COMMD1: variants seen among roughly 807,000 people sequenced by gnomAD.
COMMD1 encodes the protein copper metabolism domain containing 1.
COMMD1 carries 10 observed loss-of-function variants against 17.2 expected under a neutral mutation model. The ratio of observed to expected loss-of-function variants is 0.58; its 90% CI spans 0.36 to 0.99. The LOEUF (loss-of-function observed/expected upper bound fraction) is 0.99, where lower values mean the gene tolerates loss of function less well. Among genes scored for constraint, COMMD1 ranks in the 50% least tolerant of loss-of-function variants. The pLI, the probability that COMMD1 is intolerant of heterozygous loss-of-function variation, is 0.01. For synonymous variants in COMMD1, 97 were observed against 91.6 expected, an observed-to-expected ratio of 1.06 and a Z score of -0.34; for missense variants, 270 against 231.8, an observed-to-expected ratio of 1.17 and a Z score of -1.07.
chr2:61,924,506 G>A (rs1029317398), intron 1 of COMMD1, among the ~76,000 whole-genome samples: 3 of 152,090 alleles, frequency 2.0e-5, no homozygotes, highest in Non-Finnish European at 4.4e-5. Flanking sequence ...ATCAAAGGAG[G>A]AGAAGTCGTC....
At chr2:61,998,405 G>A (rs1668830101) in intron 1 of COMMD1, among the ~76,000 whole-genome samples, 1 of 151,992 alleles carries the variant, frequency 6.6e-6, no homozygotes, top group African/African-American at 2.4e-5. Flanking sequence ...GATTACAGGC[G>A]TGCGCCACTA....
At chr2:62,035,841 C>T (rs1670023274) in intron 2 of COMMD1, among the ~76,000 whole-genome samples, 1 of 151,248 alleles carries the variant, frequency 6.6e-6, no homozygotes, top group Non-Finnish European at 1.5e-5. Flanking sequence ...ACCTGAGCCT[C>T]AGGGGTTCAA....
intron 2 of COMMD1, among the ~76,000 whole-genome samples, chr2:62,052,824 C>T (rs1670575276): frequency 6.6e-6 from 1 of 152,164 alleles, no homozygotes; most frequent in Non-Finnish European, 1.5e-5. Context: ...CCTATAATCC[C>T]ATCACTTTGG....
intron 1 of COMMD1, among the ~76,000 whole-genome samples, chr2:61,925,221 C>T (rs111807859): frequency 7.9e-5 from 12 of 151,874 alleles, no homozygotes; most frequent in East Asian, 2.0e-4. Flanking sequence ...GAGTGAGTCC[C>T]GGCCAGAGTC....
At chr2:62,036,197 CCTT>C (rs1670035427) in intron 2 of COMMD1, among the ~76,000 whole-genome samples, 1 of 151,314 alleles carries the variant, frequency 6.6e-6, no homozygotes, top group African/African-American at 2.5e-5. Context: ...CAAAGATAAA[CCTT>C]CTATTTGCTA....
chr2:61,918,358 C>G (rs1368263173), intron 1 of COMMD1, among the ~76,000 whole-genome samples: 1 of 152,170 alleles, frequency 6.6e-6, no homozygotes, highest in Admixed American at 6.5e-5. Flanking sequence ...ATTATTCATT[C>G]TCTGAAGAAT....
At chr2:61,974,470 A>C (rs1042018311) in intron 1 of COMMD1, among the ~76,000 whole-genome samples, 3 of 151,796 alleles carry the variant, frequency 2.0e-5, no homozygotes, top group South Asian at 2.1e-4. Context: ...TCAGGAGTTC[A>C]AGACCAGCCT....
At chr2:62,036,075 CACACACACACACACAA>C (rs1212160948) in intron 2 of COMMD1, among the ~76,000 whole-genome samples, 1 of 151,900 alleles carries the variant, frequency 6.6e-6, no homozygotes, top group Non-Finnish European at 1.5e-5. Context: ...CACACACACA[CACACACACACACACAA>C]AGTTAGGATG....
intron 1 of COMMD1, among the ~76,000 whole-genome samples, chr2:61,972,781 CAT>C (rs1379555638): frequency 6.6e-6 from 1 of 152,142 alleles, no homozygotes; most frequent in Non-Finnish European, 1.5e-5. Flanking sequence ...CATAATGTCA[CAT>C]ATTTGTTATG....
At chr2:62,097,625 T>C (rs10205092) in intron 2 of COMMD1, among the ~76,000 whole-genome samples, 4,887 of 152,162 alleles carry the variant, frequency 0.032, 129 homozygotes, top group East Asian at 0.083. Flanking sequence ...TGTATGGGGG[T>C]ACTATCTACT....
chr2:61,928,829 A>G (rs1670392428), intron 1 of COMMD1: 1 of 152,186 alleles, frequency 6.6e-6, no homozygotes, highest in Non-Finnish European at 1.5e-5. Flanking sequence ...TGACCTCTTG[A>G]AGCAGGTCCC....
intron 2 of COMMD1, among the ~76,000 whole-genome samples, chr2:62,121,138 G>A (rs1271727667): frequency 6.6e-6 from 1 of 152,062 alleles, no homozygotes; most frequent in African/African-American, 2.4e-5. Flanking sequence ...GGGAGGCCGA[G>A]GCAGGCAGAT....
chr2:61,894,490 C>T (rs549533911), intron 1 of COMMD1, among the ~76,000 whole-genome samples: 2 of 151,394 alleles, frequency 1.3e-5, no homozygotes, highest in South Asian at 4.2e-4. Context: ...ATCCAACTAC[C>T]AATGTATGGG....
chr2:62,074,119 C>A (rs556447824), intron 2 of COMMD1, among the ~76,000 whole-genome samples: 2 of 152,284 alleles, frequency 1.3e-5, no homozygotes, highest in Non-Finnish European at 2.9e-5. Flanking sequence ...AGCTTCCATG[C>A]ACTCTTCCTT....
chr2:61,888,521 G>A (rs973147896), upstream of COMMD1: 17 of 1,609,876 alleles, frequency 1.1e-5, no homozygotes, highest in Admixed American at 3.3e-5. Flanking sequence ...AAACTCCGCT[G>A]TGTCTGGGTT....
intron 2 of COMMD1, among the ~76,000 whole-genome samples, chr2:62,133,094 T>C (rs549376295): frequency 3.9e-5 from 6 of 152,344 alleles, no homozygotes; most frequent in African/African-American, 1.4e-4. Context: ...AGCTCACATA[T>C]GAGACTGCAC....
chr2:62,115,860 CTTT>C, intron 2 of COMMD1, among the ~76,000 whole-genome samples: 1 of 43,348 alleles, frequency 2.3e-5, no homozygotes, highest in South Asian at 5.3e-4. Flanking sequence ...TTCTTTCTTT[CTTT>C]TTTTTTTTTT....
rs1558525465 is a variant in COMMD1 at position 61,930,618 on chromosome 2, TG to T, written c.180+24761del. Among the ~76,000 whole-genome samples, 21 of 8,968 alleles carry T rather than the reference TG, an allele frequency of 2.3e-3. No individual in the cohort carries two copies. In the East Asian group the frequency reaches 0.37, roughly 156 times the overall value. 5.9% of individuals were successfully genotyped at this position (8,968 alleles called of 152,430 possible). ...GACTATTGGATAAACCACAGGGTTT[TG>T]TGTGTGTGTGTGTGTGTGTGTGTGT... On this transcript the variant is annotated intron_variant, in intron 1 of 2. Coordinates refer to ENST00000311832, the MANE Select transcript of COMMD1 (RefSeq NM_152516.4).
chr2:61,896,188 CCAAAATT>C (rs1220094161), intron 1 of COMMD1, among the ~76,000 whole-genome samples: 1 of 152,204 alleles, frequency 6.6e-6, no homozygotes, highest in African/African-American at 2.4e-5. Flanking sequence ...TTTGTCCACT[CCAAAATT>C]CATGTGTTGG....
Sources: gnomAD v4.1 joint callset for allele counts (sites outside exome capture counted in the v4.1 genomes callset) on GRCh38, gnomAD v4.1.1 for gene constraint, MANE v1.5 for transcripts, NCBI Gene and HGNC (gene_info 2026-07-23, HGNC 2026-07-21) for gene names.